The following SLC47A2 variants were observed in gnomAD, a reference collection of about 807,000 sequenced individuals.
SLC47A2 encodes the protein multidrug and toxin extrusion protein 2.
SLC47A2 carries 52 observed loss-of-function variants against 67.7 expected under a neutral mutation model. The ratio of observed to expected loss-of-function variants is 0.77; its 90% CI spans 0.61 to 0.97. The LOEUF is 0.97. Among genes scored for constraint, SLC47A2 ranks in the 50% least tolerant of loss-of-function variants. SLC47A2 has a pLI of 0.00. For synonymous variants in SLC47A2, 278 were observed against 292.9 expected, an observed-to-expected ratio of 0.95 and a Z score of 0.52; for missense variants, 676 against 712.3, an observed-to-expected ratio of 0.95 and a Z score of 0.58.
intron 13 of SLC47A2, among the ~76,000 whole-genome samples, chr17:19,689,959 C>T (rs1223572498): frequency 1.3e-5 from 2 of 152,048 alleles, no homozygotes; most frequent in Admixed American, 6.6e-5. Flanking sequence ...CTCAGAATAG[C>T]TAAAGCCATC....
intron 13 of SLC47A2, among the ~76,000 whole-genome samples, chr17:19,698,790 C>T (rs540131750): frequency 6.6e-6 from 1 of 152,304 alleles, no homozygotes; most frequent in East Asian, 1.9e-4. Flanking sequence ...GCCCTCCATA[C>T]CCACAGCTTC....
At chr17:19,702,267 C>T in intron 13 of SLC47A2, 7 of 985,310 alleles carry the variant, frequency 7.1e-6, no homozygotes, top group Non-Finnish European at 8.4e-6. Context: ...GGTTGCCATT[C>T]AGCTCCTGGC....
chr17:19,694,915 C>CAAAAAAAAAAAAAAAAAAAAAAAA, intron 13 of SLC47A2, among the ~76,000 whole-genome samples: 1 of 122,114 alleles, frequency 8.2e-6, no homozygotes, highest in African/African-American at 3.1e-5. Flanking sequence ...GACTCCATCT[C>CAAAAAAAAAAAAAAAAAAAAAAAA]AAAAAAAAAA....
intron 1 of SLC47A2, 103 bp downstream of exon 1, chr17:19,716,329 TG>T: frequency 6.9e-7 from 1 of 1,458,548 alleles, no homozygotes; most frequent in Non-Finnish European, 9.1e-7. Context: ...GGGCAGTTTC[TG>T]GGGAAAATGT....
In SLC47A2 at chr17:19,680,006, TCTG is replaced by T. The variant is rs754817886; in HGVS notation, c.1423_1425del (p.Gln475del). The T allele has an allele frequency of 1.2e-6, 2 of 1,613,930 alleles. No individual in the cohort carries two copies. The highest frequency in any genetic ancestry group is 1.3e-5 in the African/African-American group (1 of 75,028). ...GGTCTGGTTGCAGTGCTCTCTGCTCTCTGCTGCTGCTGCCGGCCTGAATGTTTC... is the reference window on the plus strand; with the variant it reads ...GGTCTGGTTGCAGTGCTCTCTGCTCTCTGCTGCTGCCGGCCTGAATGTTTC... On this transcript the variant is annotated inframe_deletion, in exon 16 of 17. Coordinates refer to ENST00000433844, the MANE Select transcript of SLC47A2 (RefSeq NM_001099646.3).
intron 6 of SLC47A2, 86 bp from the exon 7 acceptor site, chr17:19,708,485 T>C: frequency 6.2e-7 from 1 of 1,614,062 alleles, no homozygotes; most frequent in South Asian, 1.1e-5. Context: ...TGGGGACTCC[T>C]CCTCCTGCCC....
intron 13 of SLC47A2, among the ~76,000 whole-genome samples, chr17:19,691,156 G>C (rs955639268): frequency 6.6e-6 from 1 of 151,780 alleles, no homozygotes; most frequent in Non-Finnish European, 1.5e-5. Flanking sequence ...GTACACTGTT[G>C]GTGGGAATGT....
At position 19,702,416 on chromosome 17, in the gene SLC47A2, G is replaced by C. The variant is rs554434835; in HGVS notation, c.1164+189C>G. On this transcript the variant is annotated intron_variant, in intron 13 of 16. Transcript: ENST00000433844. ...TTTTGAGCTCGTGTAAATTGCAGAA[G>C]AAGAGGGAAGTCACTGTTTGAAATA... 1.4e-5 allele frequency: 14 copies of C among 985,442 alleles called. No homozygotes were observed. The African/African-American group carries it at 2.3e-4, about 16-fold the overall frequency. 61.0% of individuals were successfully genotyped at this position (985,442 alleles called of 1,614,324 possible).
intron 15 of SLC47A2, among the ~76,000 whole-genome samples, chr17:19,681,081 C>T (rs1269900292): frequency 6.6e-6 from 1 of 152,092 alleles, no homozygotes; most frequent in African/African-American, 2.4e-5. Flanking sequence ...GGCGTGGTGG[C>T]GGGTGCCTGT....
At chr17:19,699,473 T>C (rs2085738415) in intron 13 of SLC47A2, among the ~76,000 whole-genome samples, 1 of 151,978 alleles carries the variant, frequency 6.6e-6, no homozygotes, top group Non-Finnish European at 1.5e-5. Flanking sequence ...CTTGGACTGT[T>C]GGGCTCAAGC....
At chr17:19,716,624 C>T (rs752188459), upstream of SLC47A2, 60 of 1,487,516 alleles carry the variant, frequency 4.0e-5, no homozygotes, top group Non-Finnish European at 5.1e-5. Context: ...CAGCGAGCCA[C>T]CCCCTGCCTG....
chr17:19,678,583 G>A lies in SLC47A2; in HGVS notation c.*103C>T. On this transcript the variant is annotated 3_prime_UTR_variant, in exon 17 of 17. Transcript: ENST00000433844. The stretch of plus-strand genomic sequence containing the variant: ...CTTTTTTTGAGGAGTGGTTCAAAGT[G>A]TCCACCTGCACTAGACCCCATTGGT... The A allele has an allele frequency of 8.2e-7, 1 of 1,215,210 alleles. No individual in the cohort carries two copies. The highest frequency in any genetic ancestry group is 1.2e-6 in the Non-Finnish European group (1 of 840,830). The allele number at this position is 1,215,210 out of a possible 1,614,324, so 75.3% of individuals were successfully genotyped here. A position where few individuals can be genotyped will look rare whatever the true frequency, so the allele number is the denominator to read the frequency against.
At chr17:19,705,659 G>A (rs1260756688) in intron 9 of SLC47A2, among the ~76,000 whole-genome samples, 156 bp from the exon 10 acceptor site, 2 of 151,924 alleles carry the variant, frequency 1.3e-5, no homozygotes, top group East Asian at 1.9e-4. Flanking sequence ...GAGTGCAGTG[G>A]CGCAATTATA....
intron 13 of SLC47A2, among the ~76,000 whole-genome samples, chr17:19,693,611 AAATAATAAT>A (rs61226037): frequency 6.8e-6 from 1 of 146,312 alleles, no homozygotes; most frequent in Admixed American, 6.9e-5. Context: ...TCTCTACTAA[AAATAATAAT>A]AATAATAATA....
chr17:19,689,864 C>T (rs2085502853), intron 13 of SLC47A2, among the ~76,000 whole-genome samples: 1 of 152,136 alleles, frequency 6.6e-6, no homozygotes. Context: ...TCTACAGATT[C>T]AATGTAATCC....
chr17:19,715,061 G>C, intron 2 of SLC47A2, 55 bp downstream of exon 2: 1 of 1,573,166 alleles, frequency 6.4e-7, no homozygotes, highest in Non-Finnish European at 8.7e-7. Context: ...CCGGGAACCC[G>C]GTGGAGAAGC....
chr17:19,707,688 G>A, intron 8 of SLC47A2, 58 bp downstream of exon 8: 1 of 1,453,692 alleles, frequency 6.9e-7, no homozygotes, highest in South Asian at 1.2e-5. Context: ...CTGCCCCAAG[G>A]CTAGGGCAGC....
chr17:19,679,911 T>C, intron 16 of SLC47A2, 41 bp downstream of exon 16: 1 of 1,591,060 alleles, frequency 6.3e-7, no homozygotes, highest in Non-Finnish European at 8.6e-7. Flanking sequence ...CCACTGACAT[T>C]TATATGTGTA....
Position 19,713,813 on chromosome 17 carries a change from AGC to A in SLC47A2, c.443+10_443+11del, listed in dbSNP as rs2086169504. On this transcript the variant is annotated intron_variant, in intron 4 of 16. Transcript: ENST00000433844. Reference sequence around the variant, plus strand: ...CAGCAAGCCCCACCTCCCCAGCCGGAGCCCAGCGCACCTGGACACGTCCGGGT... The same window carrying A: ...CAGCAAGCCCCACCTCCCCAGCCGGACCAGCGCACCTGGACACGTCCGGGT... The A allele has an allele frequency of 6.9e-6, 11 of 1,600,652 alleles. No individual in the cohort carries two copies. The highest frequency in any genetic ancestry group is 6.8e-6 in the Non-Finnish European group (8 of 1,171,682).
Sources: allele counts gnomAD v4.1 joint callset (sites outside exome capture counted in the v4.1 genomes callset), GRCh38; gene constraint gnomAD v4.1.1; transcripts MANE v1.5; gene names NCBI Gene and HGNC (gene_info 2026-07-23, HGNC 2026-07-21).